The following SENP5 variants were observed in gnomAD, a reference collection of about 807,000 sequenced individuals.
SENP5 encodes sentrin-specific protease 5.
SENP5 carries 21 observed loss-of-function variants against 74.2 expected under a neutral mutation model. That is an observed-to-expected ratio of 0.28 (90% CI 0.20 to 0.41). SENP5 has a LOEUF of 0.41. SENP5 is among the 10% of genes least tolerant of loss of function. The pLI, the probability that SENP5 is intolerant of heterozygous loss-of-function variation, is 1.00. For synonymous variants in SENP5, 311 were observed against 312.7 expected (o/e 0.99, Z 0.06); for missense variants, 717 against 889.1 (o/e 0.81, Z 2.46).
chr3:196,920,766 T>G (rs1715584276), intron 6 of SENP5, among the ~76,000 whole-genome samples: 1 of 152,252 alleles, frequency 6.6e-6, no homozygotes, highest in South Asian at 2.1e-4. Context: ...TCTTCTTTAT[T>G]CTGCGAATGG....
chr3:196,880,098 A>G (rs1713659174), intron 1 of SENP5, among the ~76,000 whole-genome samples: 1 of 151,916 alleles, frequency 6.6e-6, no homozygotes, highest in South Asian at 2.1e-4. Flanking sequence ...GGTTCATGCC[A>G]CCGTGCCTGG....
chr3:196,916,239 ATTGCT>A (rs1358815060), intron 6 of SENP5, among the ~76,000 whole-genome samples: 14 of 152,106 alleles, frequency 9.2e-5, no homozygotes, highest in Admixed American at 4.6e-4. Flanking sequence ...AGGCAGGAGA[ATTGCT>A]TAAACTTGAG....
At chr3:196,907,055 A>T (rs993104897) in intron 6 of SENP5, among the ~76,000 whole-genome samples, 7 of 152,210 alleles carry the variant, frequency 4.6e-5, no homozygotes, top group African/African-American at 1.7e-4. Flanking sequence ...TGTGACTTGT[A>T]TGACTGGACG....
At chr3:196,928,739 G>C (rs537869116) in intron 8 of SENP5, among the ~76,000 whole-genome samples, 3 of 152,128 alleles carry the variant, frequency 2.0e-5, no homozygotes, top group Non-Finnish European at 2.9e-5. Flanking sequence ...TTAAAATTAA[G>C]CTTAAGTTTT....
intron 1 of SENP5, among the ~76,000 whole-genome samples, chr3:196,879,493 C>T (rs1182636690): frequency 6.6e-6 from 1 of 152,232 alleles, no homozygotes; most frequent in Non-Finnish European, 1.5e-5. Flanking sequence ...ATCAGGATCA[C>T]ATTCTTGGAG....
intron 2 of SENP5, among the ~76,000 whole-genome samples, chr3:196,888,243 G>GT (rs1411869309): frequency 1.3e-5 from 2 of 151,982 alleles, no homozygotes; most frequent in African/African-American, 4.8e-5. Flanking sequence ...GCTAGCAGCT[G>GT]TTTAAGAATA....
At chr3:196,897,364 CCAA>C (rs1714486266) in intron 2 of SENP5, among the ~76,000 whole-genome samples, 4 of 152,138 alleles carry the variant, frequency 2.6e-5, no homozygotes, top group Admixed American at 6.5e-5. Context: ...ATTAGAAGCC[CCAA>C]ATCTTTATCT....
chr3:196,889,612 T>C lies in SENP5; in HGVS notation c.1513+2918T>C, dbSNP rs117671069. ...AATATCAATCAGAAGCCAATAGCAG[T>C]TTCAGGTTTAAGAGAATGAAGTAAG... is the stretch of plus-strand genomic sequence containing the variant. On this transcript the variant is annotated intron_variant, in intron 2 of 9. Coordinates refer to ENST00000323460, the MANE Select transcript of SENP5 (RefSeq NM_152699.5). Among the ~76,000 whole-genome samples the C allele has an allele frequency of 2.0e-4, 31 of 152,284 alleles. No individual in the cohort carries two copies. The East Asian group carries it at 5.8e-3, about 28-fold the overall frequency.
At chr3:196,882,508 T>C (rs1342019645) in intron 1 of SENP5, among the ~76,000 whole-genome samples, 1 of 152,118 alleles carries the variant, frequency 6.6e-6, no homozygotes, top group African/African-American at 2.4e-5. Flanking sequence ...CTTTATTTTT[T>C]ATTTTATTTT....
chr3:196,869,815 G>A (rs775716926), intron 1 of SENP5, among the ~76,000 whole-genome samples: 4 of 137,336 alleles, frequency 2.9e-5, no homozygotes, highest in East Asian at 2.2e-4. Flanking sequence ...GAGTCACTGC[G>A]CCTGGGCTAT....
intron 1 of SENP5, among the ~76,000 whole-genome samples, chr3:196,876,435 G>A (rs754244163): frequency 2.0e-5 from 3 of 151,370 alleles, no homozygotes; most frequent in Admixed American, 6.6e-5. Flanking sequence ...GGAGAATGGC[G>A]TGAACCCGGG....
chr3:196,885,237 A>C lies in SENP5; in HGVS notation c.56A>C (p.Glu19Ala). 1 of 1,613,992 alleles carries C rather than the reference A, an allele frequency of 6.2e-7. No individual in the cohort carries two copies. Among genetic ancestry groups the C allele is most frequent in the South Asian group, 1.1e-5 (1 of 91,002 alleles). The stretch of plus-strand genomic sequence containing the variant: ...AAAGGAATCCACTTAGCCTTTTCTG[A>C]GAAATGGAATACTGGGTTTGGAGGC... ...WRKGIHLAFS[E>A]KWNTGFGGFK... The change falls in exon 2 of 10, where the codon GAG becomes GCG. Residue 19 changes from glutamate to alanine, a missense_variant. By Grantham distance (107) the Glu-to-Ala change is moderately radical. This residue lies in a region of SENP5 where 567 missense variants were observed against 577.4 expected (regional missense o/e 0.98). Transcript: ENST00000323460.
At chr3:196,875,665 G>A (rs753740261) in intron 1 of SENP5, among the ~76,000 whole-genome samples, 2 of 152,118 alleles carry the variant, frequency 1.3e-5, no homozygotes, top group African/African-American at 4.8e-5. Context: ...TCAGAGAGGT[G>A]TTTCCTGACC....
intron 2 of SENP5, among the ~76,000 whole-genome samples, chr3:196,894,200 G>A (rs201136705): frequency 4.9e-5 from 7 of 141,708 alleles, no homozygotes; most frequent in Admixed American, 2.9e-4. Flanking sequence ...CTCGGCTCAC[G>A]GTGGCCTCCA....
chr3:196,926,533 G>A (rs1715819657), intron 7 of SENP5, among the ~76,000 whole-genome samples: 1 of 151,384 alleles, frequency 6.6e-6, no homozygotes. Flanking sequence ...AGAACTTGAA[G>A]TTACTTCTTT....
chr3:196,895,437 C>T (rs1577814327), intron 2 of SENP5, among the ~76,000 whole-genome samples: 4 of 152,142 alleles, frequency 2.6e-5, no homozygotes, highest in African/African-American at 9.7e-5. Flanking sequence ...CCACCCGCTT[C>T]GGCTTCCCAA....
intron 1 of SENP5, among the ~76,000 whole-genome samples, chr3:196,884,665 T>G (rs1016329399): frequency 3.2e-5 from 4 of 124,810 alleles, no homozygotes; most frequent in Admixed American, 1.5e-4. Flanking sequence ...CAGAAATCAG[T>G]TTTTTTTTGT....
intron 1 of SENP5, among the ~76,000 whole-genome samples, chr3:196,883,880 C>CG (rs1577799788): frequency 6.6e-6 from 1 of 152,020 alleles, no homozygotes; most frequent in East Asian, 1.9e-4. Context: ...TTAGTAGAGA[C>CG]GGGGTTTCAC....
intron 1 of SENP5, among the ~76,000 whole-genome samples, chr3:196,873,713 G>A (rs1001587225): frequency 8.6e-5 from 13 of 151,830 alleles, no homozygotes; most frequent in Non-Finnish European, 1.6e-4. Flanking sequence ...GGTGGCGGGC[G>A]CCTGAAGTCC....
Sources: gnomAD v4.1 joint callset for allele counts (sites outside exome capture counted in the v4.1 genomes callset) on GRCh38, gnomAD v4.1.1 for gene constraint, gnomAD v4.1.1 regional missense constraint, MANE v1.5 for transcripts, NCBI Gene and HGNC (gene_info 2026-07-23, HGNC 2026-07-21) for gene names.